The following MAP2 variants were observed in gnomAD, a reference collection of about 807,000 sequenced individuals.
MAP2 encodes the protein microtubule-associated protein 2.
Under a neutral mutation model 137.6 loss-of-function variants are expected in MAP2, and 14 were observed. The ratio of observed to expected loss-of-function variants is 0.10; its 90% CI spans 0.07 to 0.16. The LOEUF is 0.16. Among genes scored for constraint, MAP2 ranks in the 10% least tolerant of loss-of-function variants. The pLI is 1.00. For synonymous variants in MAP2, 786 were observed against 782.3 expected (o/e 1.00, Z -0.08); for missense variants, 2,088 against 2,191.5 (o/e 0.95, Z 0.94).
At chr2:209,576,573 G>C (rs536420261) in intron 2 of MAP2, among the ~76,000 whole-genome samples, 1 of 152,194 alleles carries the variant, frequency 6.6e-6, no homozygotes, top group East Asian at 1.9e-4. Flanking sequence ...ATTAAATGAA[G>C]TGTCTTGAAA....
chr2:209,527,102 C>A (rs2064180129), intron 2 of MAP2, among the ~76,000 whole-genome samples: 1 of 152,104 alleles, frequency 6.6e-6, no homozygotes, highest in Non-Finnish European at 1.5e-5. Flanking sequence ...AAAGTGATTG[C>A]AAAGTTACAC....
chr2:209,699,992 T>A (rs1388792086), intron 10 of MAP2, among the ~76,000 whole-genome samples: 1 of 152,200 alleles, frequency 6.6e-6, no homozygotes, highest in African/African-American at 2.4e-5. Context: ...TACGTACTAG[T>A]GATTCAAAGA....
At chr2:209,530,543 T>A (rs1344198652) in intron 2 of MAP2, among the ~76,000 whole-genome samples, 1 of 152,196 alleles carries the variant, frequency 6.6e-6, no homozygotes, top group African/African-American at 2.4e-5. Context: ...AGACAGGAAA[T>A]TAAAATCTCT....
At chr2:209,515,360 G>T (rs538959300) in intron 2 of MAP2, among the ~76,000 whole-genome samples, 4 of 152,162 alleles carry the variant, frequency 2.6e-5, no homozygotes, top group African/African-American at 4.8e-5. Flanking sequence ...CTGCTATGAA[G>T]AACTTTCCTG....
At chr2:209,570,269 G>C (rs931631003) in intron 2 of MAP2, among the ~76,000 whole-genome samples, 2 of 151,680 alleles carry the variant, frequency 1.3e-5, no homozygotes, top group Non-Finnish European at 3.0e-5. Flanking sequence ...AAAATTCTTA[G>C]TTCTATGTTT....
rs1345705405 is a variant in MAP2 at position 209,598,732 on chromosome 2, A to T, written c.-107+18632A>T. 4.6e-5 allele frequency among the ~76,000 whole-genome samples: 7 copies of T among 151,352 alleles called. No homozygotes were observed. In the East Asian group the frequency reaches 1.2e-3, roughly 25 times the overall value. ...TTGTTCTTGCAATAGTTTACTGAGA[A>T]TGATGATTTCCAATTTCATCCATGT... On this transcript the variant is annotated intron_variant, in intron 3 of 15. Coordinates refer to ENST00000682079, the MANE Select transcript of MAP2 (RefSeq NM_001375505.1).
chr2:209,622,089 A>G (rs1280120414), intron 3 of MAP2, among the ~76,000 whole-genome samples: 2 of 152,180 alleles, frequency 1.3e-5, no homozygotes, highest in Admixed American at 6.6e-5. Flanking sequence ...ATGATTCTCA[A>G]CAGTGTTCAT....
chr2:209,448,788 T>G (rs576735432), intron 1 of MAP2, among the ~76,000 whole-genome samples: 65 of 152,206 alleles, frequency 4.3e-4, no homozygotes, highest in African/African-American at 1.5e-3. Flanking sequence ...AGATCCAGGG[T>G]CTCTACATCT....
intron 13 of MAP2, among the ~76,000 whole-genome samples, chr2:209,717,884 T>A (rs1031084555): frequency 2.6e-5 from 4 of 152,160 alleles, no homozygotes; most frequent in Non-Finnish European, 2.9e-5. Context: ...AATTTTAAGT[T>A]TTTTTCCAAG....
chr2:209,538,625 A>G (rs1157648890), intron 2 of MAP2, among the ~76,000 whole-genome samples: 5 of 151,652 alleles, frequency 3.3e-5, no homozygotes, highest in African/African-American at 4.9e-5. Context: ...TACACATTGG[A>G]AAAGATGAAG....
intron 3 of MAP2, among the ~76,000 whole-genome samples, chr2:209,608,047 G>T (rs998192201): frequency 6.6e-6 from 1 of 152,082 alleles, no homozygotes; most frequent in Non-Finnish European, 1.5e-5. Context: ...TTTTAAAATG[G>T]AACAGTTGCC....
intron 3 of MAP2, among the ~76,000 whole-genome samples, chr2:209,610,158 T>G (rs2086312612): frequency 6.6e-6 from 1 of 151,996 alleles, no homozygotes; most frequent in Non-Finnish European, 1.5e-5. Flanking sequence ...TAAGCAATAA[T>G]TACCTAAGTA....
At chr2:209,437,026 G>T (rs1453120336) in intron 1 of MAP2, among the ~76,000 whole-genome samples, 2 of 151,664 alleles carry the variant, frequency 1.3e-5, no homozygotes, top group Non-Finnish European at 3.0e-5. Context: ...GGAAAAGATG[G>T]CATGGCCTTT....
Position 209,696,341 on chromosome 2 carries a change from G to T in MAP2, c.4171G>T (p.Asp1391Tyr), listed in dbSNP as rs1259499012. 2 of 1,550,032 alleles carry T rather than the reference G, an allele frequency of 1.3e-6. No individual in the cohort carries two copies. The highest frequency in any genetic ancestry group is 2.2e-5 in the East Asian group (1 of 44,562). The change falls in exon 8 of 16, where the codon GAC (aspartate) becomes TAC (tyrosine). Residue 1391 changes from aspartate to tyrosine, a missense_variant. Physicochemically the swap from Asp to Tyr is radical, Grantham distance 160 (BLOSUM62 -3). Transcript: ENST00000682079. ...SIMDADSLWVDTQDDDRSIMT... is the reference protein window; with the variant it reads ...SIMDADSLWVYTQDDDRSIMT... Reference sequence around the variant, plus strand: ...CATGGACGCTGACAGCCTCTGGGTGGACACTCAAGGTGTGCATTATTATTA... The same window carrying T: ...CATGGACGCTGACAGCCTCTGGGTGTACACTCAAGGTGTGCATTATTATTA...
chr2:209,728,782 T>C (rs764757705), intron 14 of MAP2, among the ~76,000 whole-genome samples: 3 of 152,208 alleles, frequency 2.0e-5, no homozygotes, highest in Non-Finnish European at 2.9e-5. Flanking sequence ...ACTCAACATG[T>C]TTATTGGAGC....
At position 209,653,350 on chromosome 2, in the gene MAP2, G is replaced by A; in HGVS notation, c.180G>A (p.Glu60=). The A allele has an allele frequency of 6.2e-7, 1 of 1,614,124 alleles. No homozygotes were observed. Among genetic ancestry groups the A allele is most frequent in the Non-Finnish European group, 8.5e-7 (1 of 1,179,996 alleles). The change falls in exon 5 of 16, where the codon GAG becomes GAA. Residue 60 remains glutamate, a synonymous_variant. Transcript: ENST00000682079. ...AGGATGAAGAGGGTGCCTTTGGAGA[G>A]CATGGGTCACAGGGCACCTATTCAA... ...YREDEEGAFG[E]HGSQGTYSNT...
chr2:209,531,517 GC>G (rs2065106122), intron 2 of MAP2, among the ~76,000 whole-genome samples: 1 of 152,146 alleles, frequency 6.6e-6, no homozygotes, highest in Non-Finnish European at 1.5e-5. Context: ...ATGTGTGTTT[GC>G]CAAATTTATG....
At chr2:209,425,058 AAG>A (rs1188187154) in intron 1 of MAP2, among the ~76,000 whole-genome samples, 3 of 151,900 alleles carry the variant, frequency 2.0e-5, no homozygotes, top group Non-Finnish European at 4.4e-5. Context: ...AATTTCAAGA[AAG>A]AGTGTGTGGG....
In MAP2 at chr2:209,695,774, G is replaced by A. The variant is rs143629615; in HGVS notation, c.3604G>A (p.Glu1202Lys). 1.9e-6 allele frequency: 3 copies of A among 1,613,758 alleles called. No homozygotes were observed. The highest frequency in any genetic ancestry group is 2.7e-5 in the African/African-American group (2 of 74,878). ...GATGGAATTTATTCAGGGGCCAAAA[G>A]AAGAAAGCAAAGAGACCCCAGATAT... The part of the protein sequence containing the change: ...VQMEFIQGPK[E>K]ESKETPDISI... Residue 1202 changes from glutamate (E) to lysine (K), a missense_variant, in exon 8 of 16, where the codon GAA becomes AAA. Coordinates refer to ENST00000682079, the MANE Select transcript of MAP2 (RefSeq NM_001375505.1).
Sources: gnomAD v4.1 joint callset for allele counts (sites outside exome capture counted in the v4.1 genomes callset) on GRCh38, gnomAD v4.1.1 for gene constraint, MANE v1.5 for transcripts, NCBI Gene and HGNC (gene_info 2026-07-23, HGNC 2026-07-21) for gene names.